TECTA: variants seen among roughly 807,000 people sequenced by gnomAD.
TECTA encodes the protein alpha-tectorin.
TECTA carries 128 observed loss-of-function variants against 216.8 expected under a neutral mutation model. The ratio of observed to expected loss-of-function variants is 0.59; its 90% CI spans 0.51 to 0.68. The LOEUF (loss-of-function observed/expected upper bound fraction) is 0.68, where lower values mean the gene tolerates loss of function less well. Ranked by LOEUF, TECTA falls within the 30% of genes least tolerant of loss-of-function variation. The pLI, the probability that TECTA is intolerant of heterozygous loss-of-function variation, is 0.00. For missense variants in TECTA, 2,551 were observed against 2,786.2 expected (o/e 0.92, Z 1.90); for synonymous variants, 1,089 against 1,117.1 (o/e 0.97, Z 0.50).
At chr11:121,168,316 G>A (rs1383656291) in intron 19 of TECTA, 99 bp downstream of exon 19, 1 of 1,487,922 alleles carries the variant, frequency 6.7e-7, no homozygotes, top group East Asian at 2.3e-5. Context: ...GATGCCCTAG[G>A]AAAAACATAA....
At chr11:121,140,549 C>T (rs561227) in intron 11 of TECTA, among the ~76,000 whole-genome samples, 72,520 of 151,992 alleles carry the variant, frequency 0.48, 19,245 homozygotes, top group African/African-American at 0.72. Flanking sequence ...ACAGACTGGG[C>T]GGCCTAAAAC....
intron 13 of TECTA, among the ~76,000 whole-genome samples, chr11:121,154,091 G>A (rs1023031495): frequency 1.1e-4 from 16 of 152,144 alleles, no homozygotes; most frequent in African/African-American, 3.9e-4. Flanking sequence ...TAACCTATCA[G>A]CAAGTGAAAA....
chr11:121,106,514 T>C (rs984421632), intron 3 of TECTA, among the ~76,000 whole-genome samples: 1 of 152,198 alleles, frequency 6.6e-6, no homozygotes, highest in Non-Finnish European at 1.5e-5. Context: ...GTCCCATTTG[T>C]GATCAGAGCT....
At chr11:121,176,798 A>C (rs1221560965) in intron 20 of TECTA, among the ~76,000 whole-genome samples, 4 of 151,164 alleles carry the variant, frequency 2.6e-5, no homozygotes, top group East Asian at 2.0e-4. Flanking sequence ...TCTCCCCATC[A>C]CTTTCAGGTA....
intron 16 of TECTA, among the ~76,000 whole-genome samples, chr11:121,164,224 T>G (rs1947028958): frequency 6.6e-6 from 1 of 152,222 alleles, no homozygotes; most frequent in Non-Finnish European, 1.5e-5. Context: ...TTTTCAAGTG[T>G]ACAGTGTATT....
At chr11:121,147,854 A>G (rs1355602584) in intron 12 of TECTA, among the ~76,000 whole-genome samples, 1 of 152,172 alleles carries the variant, frequency 6.6e-6, no homozygotes, top group Non-Finnish European at 1.5e-5. Context: ...CAACTGCAAC[A>G]AACAGGGAAA....
At chr11:121,165,686 GC>G (rs1311081076) in intron 17 of TECTA, among the ~76,000 whole-genome samples, 1 of 152,192 alleles carries the variant, frequency 6.6e-6, no homozygotes, top group African/African-American at 2.4e-5. Context: ...GTATTTTGAT[GC>G]CAATATGAAA....
chr11:121,145,023 C>A (rs565362879), intron 11 of TECTA, among the ~76,000 whole-genome samples: 1 of 152,132 alleles, frequency 6.6e-6, no homozygotes, highest in Non-Finnish European at 1.5e-5. Context: ...AAAATCTTGA[C>A]TTACAGAAGA....
intron 3 of TECTA, 119 bp from the exon 4 acceptor site, chr11:121,109,092 A>C (rs1591436113): frequency 6.2e-6 from 7 of 1,122,444 alleles, no homozygotes; most frequent in Non-Finnish European, 9.1e-6. Flanking sequence ...GGGGGTTCTA[A>C]TTCAGTAGTT....
intron 11 of TECTA, among the ~76,000 whole-genome samples, chr11:121,145,139 G>T (rs1434805557): frequency 6.6e-6 from 1 of 152,112 alleles, no homozygotes; most frequent in African/African-American, 2.4e-5. Flanking sequence ...CAAGAAAAAA[G>T]AAATCTCGAA....
At chr11:121,112,782 G>A (rs937054348) in intron 4 of TECTA, among the ~76,000 whole-genome samples, 2 of 152,190 alleles carry the variant, frequency 1.3e-5, no homozygotes, top group African/African-American at 2.4e-5. Context: ...ACGCTTAGCC[G>A]GGCCTCTGAA....
At chr11:121,125,177 T>G in intron 7 of TECTA, 125 bp from the exon 8 acceptor site, 1 of 1,000,288 alleles carries the variant, frequency 1.0e-6, no homozygotes, top group South Asian at 1.3e-5. Flanking sequence ...CACTGGAGCC[T>G]GGACCGTTTA....
chr11:121,178,902 T>C (rs1433206742), intron 20 of TECTA, among the ~76,000 whole-genome samples: 2 of 152,212 alleles, frequency 1.3e-5, no homozygotes, highest in Non-Finnish European at 2.9e-5. Context: ...CAGTCTGTAA[T>C]GATTCTTTGT....
At chr11:121,159,156 C>T (rs990467258) in intron 14 of TECTA, among the ~76,000 whole-genome samples, 3 of 152,190 alleles carry the variant, frequency 2.0e-5, no homozygotes, top group Non-Finnish European at 2.9e-5. Flanking sequence ...CATCAAATAG[C>T]GTATCCAGCA....
chr11:121,128,661 T>C (rs1946641494), intron 9 of TECTA, among the ~76,000 whole-genome samples: 1 of 152,188 alleles, frequency 6.6e-6, no homozygotes, highest in African/African-American at 2.4e-5. Context: ...CATCTTATGA[T>C]CCTCATTTTA....
At position 121,113,827 on chromosome 11, in the gene TECTA, A is replaced by G. The variant is rs1234766253; in HGVS notation, c.790+109A>G. On this transcript the variant is annotated intron_variant, in intron 6 of 23. Transcript: ENST00000392793. This position sits in a 1 kb window ranked among gnomAD's most constrained non-coding sequence, Gnocchi z 4.2. ...TCATTCCTGATGCCTTACTCTTTTG[A>G]CATCTCTCCGCTGGGTAATGGAGAT... 9.1e-6 allele frequency: 12 copies of G among 1,314,208 alleles called. No homozygotes were observed. Among genetic ancestry groups the G allele is most frequent in the Non-Finnish European group, 1.3e-5 (12 of 931,028 alleles). The allele number at this position is 1,314,208 out of a possible 1,614,324, so 81.4% of individuals were successfully genotyped here. A position where few individuals can be genotyped will look rare whatever the true frequency, so the allele number is the denominator to read the frequency against.
Position 121,146,118 on chromosome 11 carries a change from T to G in TECTA, c.4105+2T>G, listed in dbSNP as rs1369382136. ...GCTGGAGGAATTACACGTCCTGCAG[T>G]GAGTCCTTCTCGTTGTCCCTCCTTG... On this transcript the variant is annotated splice_donor_variant, in intron 12 of 23. Transcript: ENST00000392793. LOFTEE classifies it high-confidence loss of function. The G allele has an allele frequency of 6.2e-7, 1 of 1,606,200 alleles. No homozygotes were observed. Among genetic ancestry groups the G allele is most frequent in the Non-Finnish European group, 8.5e-7 (1 of 1,180,008 alleles).
chr11:121,129,502 T>G, intron 9 of TECTA, 136 bp from the exon 10 acceptor site: 1 of 838,940 alleles, frequency 1.2e-6, no homozygotes, highest in South Asian at 1.4e-5. Flanking sequence ...GGTTGGTATC[T>G]TTGTGGGTTC....
intron 20 of TECTA, among the ~76,000 whole-genome samples, chr11:121,175,185 T>C (rs1947153175): frequency 1.3e-5 from 2 of 151,872 alleles, no homozygotes; most frequent in African/African-American, 4.8e-5. Flanking sequence ...TTTGTGTCTG[T>C]ATTTCCTTCA....
Sources: allele counts gnomAD v4.1 joint callset (sites outside exome capture counted in the v4.1 genomes callset), GRCh38; gene constraint gnomAD v4.1.1; non-coding constraint Gnocchi (gnomAD v3.1); transcripts MANE v1.5; gene names NCBI Gene and HGNC (gene_info 2026-07-23, HGNC 2026-07-21).